Variants in NAT10 observed in about 807,000 individuals in gnomAD.
The protein encoded by NAT10 is RNA cytidine acetyltransferase.
NAT10 carries 109 observed loss-of-function variants against 132.2 expected under a neutral mutation model. The observed-to-expected ratio is 0.82, with a 90% confidence interval of 0.71 to 0.97. The LOEUF (loss-of-function observed/expected upper bound fraction) is 0.97, where lower values mean the gene tolerates loss of function less well. NAT10 is among the 50% of genes least tolerant of loss of function. The pLI is 0.00. For synonymous variants in NAT10, 479 were observed against 478.0 expected, an observed-to-expected ratio of 1.00 and a Z score of -0.03; for missense variants, 1,184 against 1,263.4, an observed-to-expected ratio of 0.94 and a Z score of 0.95.
chr11:34,123,832 G>A lies in NAT10; in HGVS notation c.985G>A (p.Gly329Arg). Residue 329 changes from glycine (G) to arginine (R), a missense_variant, in exon 10 of 29, where the codon GGA (glycine) becomes AGA (arginine). Coordinates refer to ENST00000257829, the MANE Select transcript of NAT10 (RefSeq NM_024662.3). ...TACTCTGTTTGAATTTGTATTTAAA[G>A]GATTTGATGCTCTGCAATATCAGGT... ...LHTLFEFVFK[G>R]FDALQYQEHL... 2 of 1,610,950 alleles carry A rather than the reference G, an allele frequency of 1.2e-6. No homozygotes were observed. Among genetic ancestry groups the A allele is most frequent in the African/African-American group, 1.3e-5 (1 of 74,968 alleles).
intron 9 of NAT10, among the ~76,000 whole-genome samples, chr11:34,123,087 A>T (rs1016085817): frequency 6.6e-6 from 1 of 152,078 alleles, no homozygotes; most frequent in East Asian, 1.9e-4. Context: ...TGTTCTTCCA[A>T]CTTCTCGGCC....
intron 12 of NAT10, among the ~76,000 whole-genome samples, chr11:34,128,496 A>G (rs1229995943): frequency 6.6e-6 from 1 of 152,000 alleles, no homozygotes; most frequent in Non-Finnish European, 1.5e-5. Context: ...TTTAATTTGC[A>G]TTTTGAATAT....
At position 34,125,662 on chromosome 11, in the gene NAT10, G is replaced by A. The variant is rs182051838; in HGVS notation, c.1107+1262G>A. ...CCCTGTTGAGGATGTACATTCTGCTGCTAGAAATGAGCAGGGTTGGCCGGG... is the reference window on the plus strand; with the variant it reads ...CCCTGTTGAGGATGTACATTCTGCTACTAGAAATGAGCAGGGTTGGCCGGG... On this transcript the variant is annotated intron_variant, in intron 11 of 28. Coordinates refer to ENST00000257829, the MANE Select transcript of NAT10 (RefSeq NM_024662.3). 2.5e-3 allele frequency among the ~76,000 whole-genome samples: 374 copies of A among 152,306 alleles called. 3 individuals carry two copies. The highest frequency in any genetic ancestry group is 4.1e-3 in the Non-Finnish European group (278 of 68,018).
Position 34,131,551 on chromosome 11 carries a change from A to C in NAT10, c.1520+20A>C. The stretch of plus-strand genomic sequence containing the variant: ...TGAACTGTATCCTCCTCTGGGTTTC[A>C]CTGGCCCTGTGAAAAGGAGAGGGGC... On this transcript the variant is annotated intron_variant, in intron 14 of 28. Coordinates refer to ENST00000257829, the MANE Select transcript of NAT10 (RefSeq NM_024662.3). 14 of 1,599,742 alleles carry C rather than the reference A, an allele frequency of 8.8e-6. No individual in the cohort carries two copies. The highest frequency in any genetic ancestry group is 1.1e-5 in the Non-Finnish European group (13 of 1,171,410).
chr11:34,116,450 G>T (rs1851784681), intron 6 of NAT10, among the ~76,000 whole-genome samples: 1 of 151,994 alleles, frequency 6.6e-6, no homozygotes, highest in South Asian at 2.1e-4. Context: ...ATGGAGTCTT[G>T]CTGTGTTGCC....
In NAT10 at chr11:34,139,503, G is replaced by A. The variant is rs1437214990; in HGVS notation, c.2419+8G>A. ...GGAAGCCAGCCCAGCCTGGTGAGCC[G>A]GGTGGGGACAGGGAGGAGGGTTGGG... On this transcript the variant is annotated splice_region_variant and intron_variant, in intron 23 of 28. Coordinates refer to ENST00000257829, the MANE Select transcript of NAT10 (RefSeq NM_024662.3). 8 of 1,611,334 alleles carry A rather than the reference G, an allele frequency of 5.0e-6. No homozygotes were observed. The highest frequency in any genetic ancestry group is 6.8e-6 in the Non-Finnish European group (8 of 1,177,584).
Position 34,118,499 on chromosome 11 carries a change from A to AC in NAT10, c.778dup (p.Gln260ProfsTer14). 1 of 1,612,834 alleles carries AC rather than the reference A, an allele frequency of 6.2e-7. No individual in the cohort carries two copies. The highest frequency in any genetic ancestry group is 8.5e-7 in the Non-Finnish European group (1 of 1,179,338). On this transcript the variant is annotated frameshift_variant, in exon 8 of 29. Transcript: ENST00000257829. LOFTEE classifies it high-confidence loss of function. ...TTGGTGGACTGCTGTAAGACTCTAG[A>AC]CCAGGTGAGTGTGGTGCTCAGCACT...
At chr11:34,129,068 C>A (rs1411258043) in intron 12 of NAT10, among the ~76,000 whole-genome samples, 1 of 152,136 alleles carries the variant, frequency 6.6e-6, no homozygotes. Flanking sequence ...TGGGTTATTT[C>A]TCCCTCTTGG....
At chr11:34,131,215 G>A (rs1200917218) in intron 13 of NAT10, among the ~76,000 whole-genome samples, 166 bp from the exon 14 acceptor site, 2 of 152,194 alleles carry the variant, frequency 1.3e-5, no homozygotes, top group African/African-American at 4.8e-5. Context: ...ATCGTGGCAA[G>A]TTGAATATCC....
At position 34,146,310 on chromosome 11, in the gene NAT10, C is replaced by T. The variant is rs559847634; in HGVS notation, c.*118C>T. 25 of 705,410 alleles carry T rather than the reference C, an allele frequency of 3.5e-5. No homozygotes were observed. Among genetic ancestry groups the T allele is most frequent in the Middle Eastern group, 5.0e-4 (2 of 4,002 alleles). 43.7% of individuals were successfully genotyped at this position (705,410 alleles called of 1,614,324 possible). On this transcript the variant is annotated 3_prime_UTR_variant, in exon 29 of 29. Coordinates refer to ENST00000257829, the MANE Select transcript of NAT10 (RefSeq NM_024662.3). ...CCCCGGCACACCTGGAAGCTGGCCG[C>T]GAATTCGGCCTCTGGGCCTGTGTGT... is the stretch of plus-strand genomic sequence containing the variant.
At position 34,127,484 on chromosome 11, in the gene NAT10, G is replaced by A. The variant is rs778898900; in HGVS notation, c.1129G>A (p.Val377Met). The change falls in exon 12 of 29, where the codon GTG becomes ATG. Residue 377 changes from valine to methionine, a missense_variant. Physicochemically the swap from Val to Met is conservative, Grantham distance 21. Coordinates refer to ENST00000257829, the MANE Select transcript of NAT10 (RefSeq NM_024662.3). ...ATAGTATATACATCCTGCAGATGCT[G>A]TGAAGCTGGGCCAGGCTGAACTAGT... ...TIQYIHPADA[V>M]KLGQAELVVI... 3 of 1,613,958 alleles carry A rather than the reference G, an allele frequency of 1.9e-6. No homozygotes were observed. Among genetic ancestry groups the A allele is most frequent in the South Asian group, 2.2e-5 (2 of 91,060 alleles).
chr11:34,135,400 A>G (rs1465120946), intron 19 of NAT10, 109 bp downstream of exon 19: 3 of 808,054 alleles, frequency 3.7e-6, no homozygotes, highest in South Asian at 1.6e-5. Flanking sequence ...CCCCTCTCTC[A>G]TTTTCTTCTG....
intron 8 of NAT10, among the ~76,000 whole-genome samples, chr11:34,121,839 AC>A: frequency 8.1e-6 from 1 of 123,660 alleles, no homozygotes. Flanking sequence ...CAGCCTGGTG[AC>A]AGAGCGAGAC....
At chr11:34,130,749 T>C in intron 12 of NAT10, 64 bp from the exon 13 acceptor site, 1 of 1,582,740 alleles carries the variant, frequency 6.3e-7, no homozygotes, top group South Asian at 1.1e-5. Context: ...AAAGCAGCTC[T>C]CTGTCCCCTC....
chr11:34,140,641 G>C, intron 24 of NAT10, 69 bp downstream of exon 24: 1 of 1,532,194 alleles, frequency 6.5e-7, no homozygotes, highest in East Asian at 2.4e-5. Flanking sequence ...TGGGTGTTGG[G>C]TTGGGCACTT....
rs147641652 is a variant in NAT10 at position 34,130,866 on chromosome 11, A to G, written c.1298A>G (p.Gln433Arg). ...CTCAAGCTAATTCAGCAGCTCCGTC[A>G]ACAGAGCGCCCAGAGCCAGGTCAGC... is the stretch of plus-strand genomic sequence containing the variant. ...LSLKLIQQLR[Q>R]QSAQSQVSTT... Residue 433 changes from glutamine to arginine, a missense_variant, in exon 13 of 29, where the codon CAA (glutamine) becomes CGA (arginine). Physicochemically the swap from Gln to Arg is conservative, Grantham distance 43. Coordinates refer to ENST00000257829, the MANE Select transcript of NAT10 (RefSeq NM_024662.3). 18 of 1,614,102 alleles carry G rather than the reference A, an allele frequency of 1.1e-5. No homozygotes were observed. Among genetic ancestry groups the G allele is most frequent in the Non-Finnish European group, 1.5e-5 (18 of 1,180,028 alleles).
chr11:34,134,727 G>T, intron 18 of NAT10, 141 bp downstream of exon 18: 1 of 747,260 alleles, frequency 1.3e-6, no homozygotes, highest in East Asian at 2.6e-5. Flanking sequence ...ATTGAGCCAG[G>T]GTTCGGGGTG....
intron 16 of NAT10, among the ~76,000 whole-genome samples, 177 bp from the exon 17 acceptor site, chr11:34,134,142 C>G (rs1228914736): frequency 6.6e-6 from 1 of 152,012 alleles, no homozygotes; most frequent in African/African-American, 2.4e-5. Flanking sequence ...CCAGCCTGGG[C>G]GACAGAGTGA....
intron 19 of NAT10, 74 bp downstream of exon 19, chr11:34,135,365 A>G (rs1405051616): frequency 5.6e-6 from 7 of 1,252,446 alleles, no homozygotes; most frequent in East Asian, 2.3e-5. Flanking sequence ...AGGGGCATCA[A>G]CAAAAACCAG....
Sources: gnomAD v4.1 joint callset for allele counts (sites outside exome capture counted in the v4.1 genomes callset) on GRCh38, gnomAD v4.1.1 for gene constraint, MANE v1.5 for transcripts, NCBI Gene and HGNC (gene_info 2026-07-23, HGNC 2026-07-21) for gene names.